RAMP3: variants seen among roughly 807,000 people sequenced by gnomAD.
The protein encoded by RAMP3 is receptor activity modifying protein 3.
In RAMP3, 14 loss-of-function variants were observed where a neutral mutation model predicts 13.5. The ratio of observed to expected loss-of-function variants is 1.04; its 90% CI spans 0.69 to 1.63. The LOEUF (loss-of-function observed/expected upper bound fraction) is 1.63, where lower values mean the gene tolerates loss of function less well. Among genes scored for constraint, RAMP3 ranks in the 40% most tolerant of loss-of-function variants. RAMP3 has a pLI of 0.00. For missense variants in RAMP3, 200 were observed against 204.8 expected (o/e 0.98, Z 0.14); for synonymous variants, 106 against 88.3 (o/e 1.20, Z -1.12).
intron 1 of RAMP3, among the ~76,000 whole-genome samples, chr7:45,172,006 G>T (rs1253304068): frequency 1.3e-5 from 2 of 152,206 alleles, no homozygotes; most frequent in Non-Finnish European, 2.9e-5. Flanking sequence ...CCTGATTTTG[G>T]CTTGCTCCTC....
chr7:45,176,886 C>T lies in RAMP3; in HGVS notation c.59-423C>T, dbSNP rs150456701. On this transcript the variant is annotated intron_variant, in intron 1 of 2. Coordinates refer to ENST00000242249, the MANE Select transcript of RAMP3 (RefSeq NM_005856.3). ...CTGGCCTGGAGCCCTCCTCTGCCGCCCCTGCAGGCAGTGGGATGGTCCCCA... is the reference window on the plus strand; with the variant it reads ...CTGGCCTGGAGCCCTCCTCTGCCGCTCCTGCAGGCAGTGGGATGGTCCCCA... 3.3e-5 allele frequency among the ~76,000 whole-genome samples: 5 copies of T among 152,326 alleles called. No homozygotes were observed. The South Asian group carries it at 8.3e-4, about 25-fold the overall frequency.
chr7:45,167,575 A>G (rs113575313), intron 1 of RAMP3, among the ~76,000 whole-genome samples: 911 of 89,598 alleles, frequency 0.01, 5 homozygotes, highest in African/African-American at 0.037. Flanking sequence ...TTTTTTTTTT[A>G]TTTTTGAGAC....
intron 2 of RAMP3, among the ~76,000 whole-genome samples, chr7:45,181,276 CTG>C (rs1786307044): frequency 6.6e-6 from 1 of 152,252 alleles, no homozygotes; most frequent in Non-Finnish European, 1.5e-5. Context: ...ACTGTCCATG[CTG>C]TCTTCTGGGA....
intron 1 of RAMP3, among the ~76,000 whole-genome samples, chr7:45,160,882 A>G (rs1785854466): frequency 6.6e-6 from 1 of 152,230 alleles, no homozygotes; most frequent in African/African-American, 2.4e-5. Context: ...GTTGCCAGGA[A>G]TCTGTCTTTA....
intron 1 of RAMP3, among the ~76,000 whole-genome samples, chr7:45,162,278 C>T (rs191677781): frequency 9.8e-5 from 15 of 152,308 alleles, no homozygotes; most frequent in Middle Eastern, 3.4e-3. Context: ...GGATCAATGC[C>T]GACCTGTACT....
At chr7:45,175,898 G>A (rs181279708) in intron 1 of RAMP3, among the ~76,000 whole-genome samples, 2 of 152,284 alleles carry the variant, frequency 1.3e-5, no homozygotes, top group East Asian at 3.9e-4. Context: ...GCTGTGTTCT[G>A]GTGGAGCAGG....
In RAMP3 at chr7:45,175,609, C is replaced by T. The variant is rs189067981; in HGVS notation, c.59-1700C>T. Among the ~76,000 whole-genome samples, 203 of 152,276 alleles carry T rather than the reference C, an allele frequency of 1.3e-3. 1 individual carries two copies. The highest frequency in any genetic ancestry group is 1.3e-3 in the Non-Finnish European group (90 of 68,014). ...AAGGTGCCTTGAGTCTGGGAACCCACGACCCTGAACAGCTGGCAAGCCCTT... is the reference window on the plus strand; with the variant it reads ...AAGGTGCCTTGAGTCTGGGAACCCATGACCCTGAACAGCTGGCAAGCCCTT... On this transcript the variant is annotated intron_variant, in intron 1 of 2. Coordinates refer to ENST00000242249, the MANE Select transcript of RAMP3 (RefSeq NM_005856.3).
At chr7:45,170,614 G>A (rs1441112671) in intron 1 of RAMP3, among the ~76,000 whole-genome samples, 1 of 150,080 alleles carries the variant, frequency 6.7e-6, no homozygotes, top group African/African-American at 2.5e-5. Context: ...TGGGATTACA[G>A]GCGTGAGCCT....
chr7:45,174,931 T>C lies in RAMP3; in HGVS notation c.59-2378T>C, dbSNP rs149113454. ...GGTCCAGGATGTTTTGCTAAATCTT[T>C]GGATAAATTTCACTGGGTTGACAGT... On this transcript the variant is annotated intron_variant, in intron 1 of 2. Coordinates refer to ENST00000242249, the MANE Select transcript of RAMP3 (RefSeq NM_005856.3). Among the ~76,000 whole-genome samples, 610 of 152,270 alleles carry C rather than the reference T, an allele frequency of 4.0e-3. 5 individuals are homozygous for C. The highest frequency in any genetic ancestry group is 0.014 in the African/African-American group (582 of 41,556).
chr7:45,163,611 A>T, intron 1 of RAMP3: 1 of 985,406 alleles, frequency 1.0e-6, no homozygotes, highest in Non-Finnish European at 1.2e-6. Context: ...TTGGGGCCCG[A>T]TGGAAGCTAA....
chr7:45,160,551 C>T (rs1178514774), intron 1 of RAMP3, among the ~76,000 whole-genome samples: 2 of 151,914 alleles, frequency 1.3e-5, no homozygotes, highest in African/African-American at 4.8e-5. Flanking sequence ...GAATCCACAG[C>T]CTCCCAAGGT....
chr7:45,160,707 A>G (rs114219451), intron 1 of RAMP3, among the ~76,000 whole-genome samples: 1,606 of 152,228 alleles, frequency 0.011, 37 homozygotes, highest in African/African-American at 0.036. Context: ...GCTGTTTATC[A>G]TCTCTCAGTG....
chr7:45,173,715 T>G (rs932460746), intron 1 of RAMP3, among the ~76,000 whole-genome samples: 1 of 152,198 alleles, frequency 6.6e-6, no homozygotes, highest in African/African-American at 2.4e-5. Flanking sequence ...CTGTAGCCTC[T>G]GTAGGCTTCT....
intron 1 of RAMP3, among the ~76,000 whole-genome samples, chr7:45,160,656 C>T (rs1229762894): frequency 6.6e-6 from 1 of 152,168 alleles, no homozygotes; most frequent in Non-Finnish European, 1.5e-5. Context: ...TTCCAAATGA[C>T]TAGCCACAAA....
intron 1 of RAMP3, 30 bp downstream of exon 1, chr7:45,157,916 G>A (rs1785790393): frequency 1.5e-6 from 2 of 1,344,276 alleles, no homozygotes; most frequent in South Asian, 3.7e-5. Flanking sequence ...CACCGGGGGC[G>A]CCCCCACTCC....
chr7:45,182,296 C>G (rs1381146280), intron 2 of RAMP3, among the ~76,000 whole-genome samples: 7 of 152,202 alleles, frequency 4.6e-5, no homozygotes, highest in African/African-American at 1.7e-4. Flanking sequence ...AGGAGTCCAT[C>G]TAGCTTCGTC....
At chr7:45,170,661 T>A (rs1478258742) in intron 1 of RAMP3, among the ~76,000 whole-genome samples, 1 of 150,124 alleles carries the variant, frequency 6.7e-6, no homozygotes, top group Non-Finnish European at 1.5e-5. Flanking sequence ...TATTTATTTT[T>A]TAGAGACAGA....
chr7:45,165,562 A>G (rs1448638074), intron 1 of RAMP3, among the ~76,000 whole-genome samples: 1 of 152,182 alleles, frequency 6.6e-6, no homozygotes, highest in Non-Finnish European at 1.5e-5. Context: ...ATGCCACACA[A>G]TTCACCCATT....
intron 1 of RAMP3, among the ~76,000 whole-genome samples, chr7:45,160,522 C>A (rs1785844809): frequency 6.6e-6 from 1 of 151,920 alleles, no homozygotes; most frequent in African/African-American, 2.4e-5. Context: ...ACCACAGAGA[C>A]CAGGGGCAGA....
Sources: allele counts gnomAD v4.1 joint callset (sites outside exome capture counted in the v4.1 genomes callset), GRCh38; gene constraint gnomAD v4.1.1; transcripts MANE v1.5; gene names NCBI Gene and HGNC (gene_info 2026-07-23, HGNC 2026-07-21).